The following CRPPA variants were observed in gnomAD, a reference collection of about 807,000 sequenced individuals.
CRPPA encodes the protein CDP-L-ribitol pyrophosphorylase A.
Under a neutral mutation model 52.0 loss-of-function variants are expected in CRPPA, and 43 were observed. The observed-to-expected ratio is 0.83, with a 90% CI of 0.65 to 1.07. The LOEUF (loss-of-function observed/expected upper bound fraction) is 1.07, where lower values mean the gene tolerates loss of function less well. Among genes scored for constraint, CRPPA ranks in the 50% least tolerant of loss-of-function variants. The pLI is 0.00. For missense variants in CRPPA, 629 were observed against 551.7 expected, an observed-to-expected ratio of 1.14 and a Z score of -1.40; for synonymous variants, 250 against 203.5, an observed-to-expected ratio of 1.23 and a Z score of -1.94.
intron 5 of CRPPA, among the ~76,000 whole-genome samples, chr7:16,298,995 G>A (rs1207483691): frequency 6.6e-6 from 1 of 152,180 alleles, no homozygotes; most frequent in Non-Finnish European, 1.5e-5. Flanking sequence ...GCTTACAGCT[G>A]GCAGATCGTG....
intron 2 of CRPPA, among the ~76,000 whole-genome samples, chr7:16,386,942 C>T (rs1355256414): frequency 1.3e-5 from 2 of 151,296 alleles, no homozygotes; most frequent in Non-Finnish European, 2.9e-5. Context: ...ATCACTTGAA[C>T]CCAGGAAGCA....
chr7:16,106,359 C>A (rs544178008), intron 9 of CRPPA, among the ~76,000 whole-genome samples: 15 of 152,310 alleles, frequency 9.8e-5, no homozygotes, highest in African/African-American at 3.4e-4. Flanking sequence ...CAGCCTGCAG[C>A]CTTGCCCAGC....
Position 16,391,876 on chromosome 7 carries a change from A to G in CRPPA, c.534+14185T>C, listed in dbSNP as rs534310513. ...CTGATTAGGCCACACAAAGAAGTCA[A>G]AGTGTCACTAGGTAATACACATATG... On this transcript the variant is annotated intron_variant, in intron 2 of 9. Transcript: ENST00000407010. Among the ~76,000 whole-genome samples the G allele has an allele frequency of 3.3e-5, 5 of 152,294 alleles. No individual in the cohort carries two copies. In the East Asian group the frequency reaches 9.6e-4, roughly 29 times the overall value.
At chr7:16,180,448 T>C (rs1781388799) in intron 9 of CRPPA, among the ~76,000 whole-genome samples, 1 of 152,124 alleles carries the variant, frequency 6.6e-6, no homozygotes, top group South Asian at 2.1e-4. Context: ...TATGAGTGTA[T>C]TTGTTACACT....
At chr7:16,393,511 C>A (rs560181019) in intron 2 of CRPPA, among the ~76,000 whole-genome samples, 2 of 152,082 alleles carry the variant, frequency 1.3e-5, no homozygotes, top group Non-Finnish European at 2.9e-5. Flanking sequence ...ATAAATGGTG[C>A]TAGGCAAAGA....
At chr7:16,349,674 A>G (rs1322562674) in intron 3 of CRPPA, among the ~76,000 whole-genome samples, 1 of 152,138 alleles carries the variant, frequency 6.6e-6, no homozygotes, top group East Asian at 1.9e-4. Context: ...AAGAAACTCA[A>G]AGTGAACTCA....
At chr7:16,209,038 T>A in intron 9 of CRPPA, 2 of 439,760 alleles carry the variant, frequency 4.5e-6, no homozygotes, top group South Asian at 3.5e-5. Flanking sequence ...GGGCAAGGAT[T>A]TTCTGTATGC....
At chr7:16,144,684 C>T (rs1782938526) in intron 9 of CRPPA, among the ~76,000 whole-genome samples, 1 of 152,094 alleles carries the variant, frequency 6.6e-6, no homozygotes, top group Non-Finnish European at 1.5e-5. Flanking sequence ...TATTTATTCC[C>T]CACAAATTGT....
At chr7:16,188,334 G>C (rs1274528737) in intron 9 of CRPPA, among the ~76,000 whole-genome samples, 2 of 152,076 alleles carry the variant, frequency 1.3e-5, no homozygotes, top group African/African-American at 4.8e-5. Flanking sequence ...TGAGCAAAGA[G>C]ATGAGGTGAG....
chr7:16,334,572 T>A (rs1785632992), intron 3 of CRPPA, among the ~76,000 whole-genome samples: 1 of 152,028 alleles, frequency 6.6e-6, no homozygotes, highest in African/African-American at 2.4e-5. Flanking sequence ...CTTCACACAA[T>A]CCTGCCTAAC....
At chr7:16,130,605 G>C (rs183243577) in intron 9 of CRPPA, among the ~76,000 whole-genome samples, 2 of 152,138 alleles carry the variant, frequency 1.3e-5, no homozygotes, top group East Asian at 1.9e-4. Context: ...GATTTGGAAG[G>C]CTTCCTGGAA....
At chr7:16,247,868 G>T (rs1363365192) in intron 8 of CRPPA, 1 of 152,018 alleles carries the variant, frequency 6.6e-6, no homozygotes, top group Non-Finnish European at 1.5e-5. Flanking sequence ...TAACTAAAGG[G>T]TTATCTTTTC....
chr7:16,337,263 T>C (rs1013189433), intron 3 of CRPPA, among the ~76,000 whole-genome samples: 2 of 152,242 alleles, frequency 1.3e-5, no homozygotes, highest in South Asian at 2.1e-4. Flanking sequence ...TTCTTAAGTA[T>C]TTTTTCAGGT....
chr7:16,158,554 A>G (rs1297492021), intron 9 of CRPPA, among the ~76,000 whole-genome samples: 1 of 152,102 alleles, frequency 6.6e-6, no homozygotes, highest in Non-Finnish European at 1.5e-5. Context: ...CTCTCCCTTA[A>G]GAGATGTTTT....
intron 2 of CRPPA, among the ~76,000 whole-genome samples, chr7:16,394,619 T>C (rs1562676799): frequency 6.6e-6 from 1 of 152,170 alleles, no homozygotes; most frequent in African/African-American, 2.4e-5. Flanking sequence ...TGTGTATTCA[T>C]GGGTTCCCAC....
chr7:16,136,798 C>T (rs182030913), intron 9 of CRPPA, among the ~76,000 whole-genome samples: 2 of 152,180 alleles, frequency 1.3e-5, no homozygotes, highest in African/African-American at 4.8e-5. Flanking sequence ...CACGCATACA[C>T]AAACATTTTG....
At chr7:16,109,363 A>C (rs893731415) in intron 9 of CRPPA, among the ~76,000 whole-genome samples, 1 of 151,972 alleles carries the variant, frequency 6.6e-6, no homozygotes, top group Admixed American at 6.6e-5. Flanking sequence ...AACCATGAAG[A>C]AACGGAAAAT....
chr7:16,358,379 G>A (rs768409535), intron 3 of CRPPA, among the ~76,000 whole-genome samples: 3 of 152,154 alleles, frequency 2.0e-5, no homozygotes, highest in Non-Finnish European at 2.9e-5. Context: ...GCTGGGAAGC[G>A]ATTAAGTGGT....
intron 1 of CRPPA, among the ~76,000 whole-genome samples, chr7:16,420,541 C>T (rs965106816): frequency 2.0e-5 from 3 of 152,120 alleles, no homozygotes; most frequent in African/African-American, 4.8e-5. Flanking sequence ...CCCTTTCCAC[C>T]ATTGAAAGGT....
Sources: gnomAD v4.1 joint callset for allele counts (sites outside exome capture counted in the v4.1 genomes callset) on GRCh38, gnomAD v4.1.1 for gene constraint, MANE v1.5 for transcripts, NCBI Gene and HGNC (gene_info 2026-07-23, HGNC 2026-07-21) for gene names.